The following RBFOX1 variants were observed in gnomAD, a reference collection of about 807,000 sequenced individuals.
RBFOX1 encodes the protein RNA binding protein fox-1 homolog 1.
A neutral mutation model predicts 57.7 loss-of-function variants in RBFOX1; 8 were observed. The ratio of observed to expected loss-of-function variants is 0.14; its 90% CI spans 0.08 to 0.25. The LOEUF is 0.25. Among genes scored for constraint, RBFOX1 ranks in the 10% least tolerant of loss-of-function variants. The probability of loss-of-function intolerance (pLI) is 1.00; values close to 1 mark genes in which losing one functional copy is unlikely to be tolerated. For synonymous variants in RBFOX1, 326 were observed against 222.4 expected (o/e 1.47, Z -4.15); for missense variants, 611 against 548.5 (o/e 1.11, Z -1.14).
At chr16:5,265,592 G>A (rs947133040) in intron 1 of RBFOX1, among the ~76,000 whole-genome samples, 8 of 152,222 alleles carry the variant, frequency 5.3e-5, no homozygotes, top group African/African-American at 1.9e-4. Context: ...TGATCAATAT[G>A]TGTAGCTCAG....
chr16:7,641,055 A>G (rs773656818), intron 11 of RBFOX1, among the ~76,000 whole-genome samples: 6 of 152,134 alleles, frequency 3.9e-5, no homozygotes, highest in African/African-American at 1.4e-4. Flanking sequence ...CCCCAGCTTT[A>G]TAAGTTGAGT....
At chr16:7,091,220 C>G (rs950900791) in intron 4 of RBFOX1, among the ~76,000 whole-genome samples, 5 of 151,628 alleles carry the variant, frequency 3.3e-5, no homozygotes, top group Admixed American at 3.3e-4. Context: ...TACACTTCCT[C>G]TGTTTTTACT....
At chr16:6,499,305 C>G (rs1192037430) in intron 2 of RBFOX1, among the ~76,000 whole-genome samples, 1 of 151,828 alleles carries the variant, frequency 6.6e-6, no homozygotes, top group Non-Finnish European at 1.5e-5. Flanking sequence ...CTTTTATGCA[C>G]TAATCGAGCC....
At chr16:5,621,622 A>G (rs931781903) in intron 3 of RBFOX1, among the ~76,000 whole-genome samples, 14 of 152,160 alleles carry the variant, frequency 9.2e-5, no homozygotes, top group African/African-American at 3.1e-4. Context: ...ATAAGTGAAG[A>G]TTAATTCTTA....
chr16:5,855,590 T>G (rs2057004203), intron 3 of RBFOX1, among the ~76,000 whole-genome samples: 1 of 152,286 alleles, frequency 6.6e-6, no homozygotes, highest in African/African-American at 2.4e-5. Context: ...TTATGTCTGT[T>G]TTTTGCTGCT....
intron 2 of RBFOX1, among the ~76,000 whole-genome samples, chr16:6,601,174 T>C (rs531664855): frequency 1.6e-4 from 24 of 152,314 alleles, no homozygotes; most frequent in African/African-American, 4.8e-4. Context: ...GAATTAGATA[T>C]CCAACTTAGT....
At chr16:6,720,877 C>T (rs759211) in intron 3 of RBFOX1, among the ~76,000 whole-genome samples, 137,367 of 152,176 alleles carry the variant, frequency 0.9, 62,222 homozygotes, top group East Asian at 1. Flanking sequence ...TCTCTTTGCA[C>T]AATCCATCCA....
chr16:6,858,688 G>T (rs193192737), intron 3 of RBFOX1, among the ~76,000 whole-genome samples: 1 of 152,038 alleles, frequency 6.6e-6, no homozygotes, highest in East Asian at 1.9e-4. Context: ...TAATTTTATG[G>T]AATTACATAT....
intron 2 of RBFOX1, among the ~76,000 whole-genome samples, chr16:6,439,650 C>G (rs1026215115): frequency 6.6e-6 from 1 of 152,132 alleles, no homozygotes. Flanking sequence ...TCCTGTGTGG[C>G]TCAGAACTAC....
chr16:6,892,279 G>A (rs1358758513), intron 3 of RBFOX1, among the ~76,000 whole-genome samples: 1 of 152,058 alleles, frequency 6.6e-6, no homozygotes, highest in Non-Finnish European at 1.5e-5. Flanking sequence ...ATGTATTTTA[G>A]ACAAGACTCT....
At chr16:6,665,075 C>G (rs145996665) in intron 3 of RBFOX1, among the ~76,000 whole-genome samples, 3 of 152,228 alleles carry the variant, frequency 2.0e-5, no homozygotes, top group African/African-American at 7.2e-5. Context: ...TAAAGTGGGA[C>G]TGTCTTCAGC....
At chr16:6,740,143 A>T (rs2071615233) in intron 3 of RBFOX1, among the ~76,000 whole-genome samples, 1 of 152,242 alleles carries the variant, frequency 6.6e-6, no homozygotes, top group African/African-American at 2.4e-5. Flanking sequence ...TATTCACTAT[A>T]CCGATAGGTT....
intron 3 of RBFOX1, among the ~76,000 whole-genome samples, chr16:5,633,771 G>A (rs1011035600): frequency 6.6e-6 from 1 of 151,918 alleles, no homozygotes; most frequent in Non-Finnish European, 1.5e-5. Context: ...CTGCTCAGGA[G>A]GCTGAGGCAG....
chr16:5,289,271 AC>A, intron 1 of RBFOX1: 1 of 403,404 alleles, frequency 2.5e-6, no homozygotes. Context: ...ATCATTGGGC[AC>A]CCAGGCATCA....
intron 2 of RBFOX1, among the ~76,000 whole-genome samples, chr16:5,573,446 A>G (rs2046351711): frequency 1.3e-5 from 2 of 152,102 alleles, no homozygotes; most frequent in Admixed American, 6.5e-5. Context: ...AATATACTGG[A>G]TTGGAATCGC....
chr16:7,571,491 C>T (rs530578574), intron 5 of RBFOX1, among the ~76,000 whole-genome samples: 21 of 152,272 alleles, frequency 1.4e-4, no homozygotes, highest in Admixed American at 2.0e-4. Context: ...GAGGGAGCCC[C>T]GTGGTTCTTT....
chr16:6,721,686 G>C (rs936248806), intron 3 of RBFOX1: 1 of 152,018 alleles, frequency 6.6e-6, no homozygotes, highest in Non-Finnish European at 1.5e-5. Flanking sequence ...GAATCACACA[G>C]CGTTTGTCTT....
At chr16:6,826,838 A>C (rs891564019) in intron 3 of RBFOX1, among the ~76,000 whole-genome samples, 3 of 152,202 alleles carry the variant, frequency 2.0e-5, no homozygotes, top group Non-Finnish European at 1.5e-5. Flanking sequence ...ATTAATTTTA[A>C]ATTGAAATCC....
At chr16:6,963,445 A>C (rs915419357) in intron 3 of RBFOX1, among the ~76,000 whole-genome samples, 1 of 152,246 alleles carries the variant, frequency 6.6e-6, no homozygotes, top group Non-Finnish European at 1.5e-5. Flanking sequence ...TGGTGACAAC[A>C]TAAGTTATCT....
Sources: gnomAD v4.1 joint callset for allele counts (sites outside exome capture counted in the v4.1 genomes callset) on GRCh38, gnomAD v4.1.1 for gene constraint, MANE v1.5 for transcripts, NCBI Gene and HGNC (gene_info 2026-07-23, HGNC 2026-07-21) for gene names.